ADAM12: variants seen among roughly 807,000 people sequenced by gnomAD.
ADAM12 encodes ADAM metallopeptidase domain 12, also known as disintegrin and metalloproteinase domain-containing protein 12.
ADAM12 carries 70 observed loss-of-function variants against 106.4 expected under a neutral mutation model. The observed-to-expected ratio is 0.66, with a 90% CI of 0.54 to 0.80. The LOEUF is 0.80. ADAM12 is among the 30% of genes least tolerant of loss of function. The probability of loss-of-function intolerance (pLI) is 0.00; values close to 1 mark genes in which losing one functional copy is unlikely to be tolerated. For synonymous variants in ADAM12, 420 were observed against 433.5 expected (o/e 0.97, Z 0.39); for missense variants, 1,010 against 1,171.9 (o/e 0.86, Z 2.02).
chr10:126,102,713 G>A (rs1268302093), intron 8 of ADAM12, among the ~76,000 whole-genome samples: 1 of 152,212 alleles, frequency 6.6e-6, no homozygotes, highest in Admixed American at 6.5e-5. Context: ...GAGTTAACGA[G>A]ACGATTACAT....
chr10:126,378,631 G>T (rs1856380977), intron 1 of ADAM12, among the ~76,000 whole-genome samples: 1 of 152,148 alleles, frequency 6.6e-6, no homozygotes, highest in Non-Finnish European at 1.5e-5. Flanking sequence ...TCTGCAAAAG[G>T]AAGACTGAGA....
chr10:126,123,946 T>C (rs1956157039), intron 5 of ADAM12, among the ~76,000 whole-genome samples: 1 of 152,186 alleles, frequency 6.6e-6, no homozygotes, highest in African/African-American at 2.4e-5. Context: ...AAAATTTTAT[T>C]AGTTGATTAT....
chr10:126,212,139 G>T (rs1482023470), intron 3 of ADAM12, among the ~76,000 whole-genome samples: 1 of 152,216 alleles, frequency 6.6e-6, no homozygotes, highest in Non-Finnish European at 1.5e-5. Flanking sequence ...TACCGCACTG[G>T]TGATTAAGAT....
intron 3 of ADAM12, among the ~76,000 whole-genome samples, chr10:126,195,317 A>G (rs1315933219): frequency 1.3e-5 from 2 of 152,164 alleles, no homozygotes; most frequent in Non-Finnish European, 2.9e-5. Context: ...GCTCATGTGT[A>G]TAATCCCAGC....
intron 8 of ADAM12, among the ~76,000 whole-genome samples, chr10:126,105,528 G>A (rs113850472): frequency 0.055 from 8,447 of 152,236 alleles, 803 homozygotes; most frequent in African/African-American, 0.19. Context: ...AGGCCAGTGC[G>A]TCTCAGTCCC....
chr10:126,303,675 G>A (rs1338300561), intron 2 of ADAM12, among the ~76,000 whole-genome samples: 1 of 152,214 alleles, frequency 6.6e-6, no homozygotes, highest in Non-Finnish European at 1.5e-5. Context: ...CAATATGTTT[G>A]AATCCTGGCC....
chr10:126,169,390 C>T (rs1489154182), intron 3 of ADAM12, among the ~76,000 whole-genome samples: 2 of 152,168 alleles, frequency 1.3e-5, no homozygotes, highest in Non-Finnish European at 2.9e-5. Flanking sequence ...AGGTATGTTT[C>T]CCCCATTAGG....
chr10:126,186,872 C>CT (rs1401801927), intron 3 of ADAM12, among the ~76,000 whole-genome samples: 45 of 152,188 alleles, frequency 3.0e-4, no homozygotes, highest in Non-Finnish European at 2.4e-4. Flanking sequence ...TATTATTTTT[C>CT]TTTGATCTCT....
chr10:126,196,968 G>A (rs1441495070), intron 3 of ADAM12, among the ~76,000 whole-genome samples: 1 of 152,206 alleles, frequency 6.6e-6, no homozygotes, highest in Non-Finnish European at 1.5e-5. Context: ...TAGGGCAGGG[G>A]ATCTAGGGTA....
intron 11 of ADAM12, among the ~76,000 whole-genome samples, chr10:126,077,363 T>C (rs1037403000): frequency 1.3e-5 from 2 of 152,098 alleles, no homozygotes; most frequent in African/African-American, 2.4e-5. Flanking sequence ...TAAATAACAA[T>C]GTAATTTTTC....
At chr10:126,293,961 CACAA>C (rs1335036895) in intron 2 of ADAM12, among the ~76,000 whole-genome samples, 11 of 152,304 alleles carry the variant, frequency 7.2e-5, no homozygotes, top group Non-Finnish European at 1.5e-4. Context: ...TCTGTTTACT[CACAA>C]ACACTGTCTA....
intron 3 of ADAM12, among the ~76,000 whole-genome samples, chr10:126,256,442 G>A (rs1373069849): frequency 1.3e-5 from 2 of 152,116 alleles, no homozygotes; most frequent in Non-Finnish European, 2.9e-5. Flanking sequence ...AATGGGTGAC[G>A]TGGCCACAGT....
At chr10:126,079,221 A>G (rs973026958) in intron 11 of ADAM12, among the ~76,000 whole-genome samples, 2 of 150,518 alleles carry the variant, frequency 1.3e-5, no homozygotes, top group African/African-American at 2.4e-5. Flanking sequence ...ATGTAATCCA[A>G]TGTTTTTTTC....
intron 16 of ADAM12, among the ~76,000 whole-genome samples, chr10:126,046,458 G>C (rs755102282): frequency 1.2e-4 from 19 of 152,104 alleles, no homozygotes; most frequent in Non-Finnish European, 1.3e-4. Context: ...TTTGTTTGGA[G>C]CTTGTAAAGA....
At chr10:126,215,466 C>G (rs1957971346) in intron 3 of ADAM12, among the ~76,000 whole-genome samples, 1 of 152,146 alleles carries the variant, frequency 6.6e-6, no homozygotes, top group Non-Finnish European at 1.5e-5. Flanking sequence ...TCAGGGCCCC[C>G]CCGAAATCAC....
intron 1 of ADAM12, among the ~76,000 whole-genome samples, chr10:126,341,745 C>T (rs1350395104): frequency 6.6e-6 from 1 of 152,202 alleles, no homozygotes; most frequent in Non-Finnish European, 1.5e-5. Flanking sequence ...ATGCCTGCTT[C>T]ATTAGCTGAG....
intron 2 of ADAM12, among the ~76,000 whole-genome samples, chr10:126,295,680 A>AACTCTGGGGG (rs1276958701): frequency 2.0e-5 from 3 of 152,058 alleles, no homozygotes; most frequent in African/African-American, 7.2e-5. Flanking sequence ...TCTTCTCAAT[A>AACTCTGGGGG]ACTCTGGGGG....
Position 126,018,523 on chromosome 10 carries a change from C to CACAG in ADAM12, c.2660+1168_2660+1171dup, listed in dbSNP as rs1953700887. Among the ~76,000 whole-genome samples the CACAG allele has an allele frequency of 3.9e-5, 6 of 152,252 alleles. No individual in the cohort carries two copies. In the South Asian group the frequency reaches 1.2e-3, roughly 32 times the overall value. On this transcript the variant is annotated intron_variant, in intron 22 of 22. Transcript: ENST00000448723. ...TAATGGATGAGTGCAATCTCAAGAG[C>CACAG]ACAGACAATTATAGCAAAATGGAGA...
At chr10:126,031,018 T>C (rs892894297) in intron 21 of ADAM12, among the ~76,000 whole-genome samples, 3 of 152,052 alleles carry the variant, frequency 2.0e-5, no homozygotes, top group African/African-American at 7.3e-5. Context: ...CCTTCAGAAG[T>C]AGGGCAGAGC....
Sources: allele counts gnomAD v4.1 joint callset (sites outside exome capture counted in the v4.1 genomes callset), GRCh38; gene constraint gnomAD v4.1.1; transcripts MANE v1.5; gene names NCBI Gene and HGNC (gene_info 2026-07-23, HGNC 2026-07-21).